BCAT1: variants seen among roughly 807,000 people sequenced by gnomAD.
BCAT1 encodes the protein branched-chain-amino-acid aminotransferase, cytosolic.
Under a neutral mutation model 52.4 loss-of-function variants are expected in BCAT1, and 48 were observed. The ratio of observed to expected loss-of-function variants is 0.92; its 90% CI spans 0.73 to 1.16. The LOEUF is 1.16. Among genes scored for constraint, BCAT1 ranks in the 50% most tolerant of loss-of-function variants. The pLI, the probability that BCAT1 is intolerant of heterozygous loss-of-function variation, is 0.00. For synonymous variants in BCAT1, 167 were observed against 161.3 expected, an observed-to-expected ratio of 1.04 and a Z score of -0.27; for missense variants, 451 against 457.1, an observed-to-expected ratio of 0.99 and a Z score of 0.12.
intron 6 of BCAT1, among the ~76,000 whole-genome samples, chr12:24,845,230 A>C (rs1424579336): frequency 6.6e-6 from 1 of 152,064 alleles, no homozygotes; most frequent in Non-Finnish European, 1.5e-5. Flanking sequence ...AAAAAAAAAA[A>C]AAGAGCCATT....
At chr12:24,898,093 AT>A (rs1252514052) in intron 2 of BCAT1, among the ~76,000 whole-genome samples, 5 of 152,216 alleles carry the variant, frequency 3.3e-5, no homozygotes, top group Admixed American at 1.3e-4. Flanking sequence ...CAGATATGAA[AT>A]GTAGTTTTAA....
At chr12:24,901,644 T>C (rs187444830) in intron 2 of BCAT1, among the ~76,000 whole-genome samples, 170 bp downstream of exon 2, 34 of 152,372 alleles carry the variant, frequency 2.2e-4, no homozygotes, top group African/African-American at 7.5e-4. Flanking sequence ...GAATGTACTG[T>C]CACTCTCTAA....
chr12:24,902,746 G>A, intron 1 of BCAT1: 5 of 768,390 alleles, frequency 6.5e-6, no homozygotes, highest in Non-Finnish European at 9.8e-6. Context: ...GAACCTCGAA[G>A]AGGTGGAGAT....
chr12:24,897,937 T>G (rs1942996872), intron 2 of BCAT1, among the ~76,000 whole-genome samples: 1 of 152,068 alleles, frequency 6.6e-6, no homozygotes, highest in South Asian at 2.1e-4. Flanking sequence ...AAAAAAATTC[T>G]GCAACTCTGA....
At chr12:24,902,795 G>A in intron 1 of BCAT1, 1 of 1,129,510 alleles carries the variant, frequency 8.9e-7, no homozygotes, top group Non-Finnish European at 1.2e-6. Flanking sequence ...GGGATGCGGG[G>A]AAGGGAAGAC....
At chr12:24,930,565 T>C (rs922800748) in intron 1 of BCAT1, among the ~76,000 whole-genome samples, 1 of 152,194 alleles carries the variant, frequency 6.6e-6, no homozygotes, top group African/African-American at 2.4e-5. Flanking sequence ...ACAGATCCTC[T>C]AGGCAAAGCA....
rs1415880812 is a variant in BCAT1, at chr12:24,821,941, T to C, written c.1120-3892A>G. On this transcript the variant is annotated intron_variant, in intron 10 of 10. Coordinates refer to ENST00000261192, the MANE Select transcript of BCAT1 (RefSeq NM_005504.7). ...AAGGACAGCCAAGGCCTTATCCAGG[T>C]GAGCAATTTCTAGAAGGTGCAGCAA... is the stretch of plus-strand genomic sequence containing the variant. Among the ~76,000 whole-genome samples the C allele has an allele frequency of 2.6e-5, 4 of 152,004 alleles. No individual in the cohort carries two copies. The East Asian group carries it at 7.7e-4, about 29-fold the overall frequency.
chr12:24,870,771 C>T (rs1457409451), intron 5 of BCAT1, among the ~76,000 whole-genome samples: 1 of 152,172 alleles, frequency 6.6e-6, no homozygotes, highest in East Asian at 1.9e-4. Flanking sequence ...CTCTTGCCTG[C>T]AATTCCAGCA....
chr12:24,827,476 A>G (rs930129410), intron 10 of BCAT1, among the ~76,000 whole-genome samples: 6 of 152,222 alleles, frequency 3.9e-5, no homozygotes, highest in African/African-American at 1.4e-4. Flanking sequence ...GAGCAGAAGT[A>G]TGGCAGCTCA....
chr12:24,844,894 C>CAA (rs11318750), intron 6 of BCAT1, among the ~76,000 whole-genome samples: 71 of 35,930 alleles, frequency 2.0e-3, no homozygotes, highest in African/African-American at 3.9e-3. Flanking sequence ...GAGACTGTCT[C>CAA]AAAAAAAAAA....
At chr12:24,829,696 G>A in intron 10 of BCAT1, 127 bp downstream of exon 10, 1 of 771,396 alleles carries the variant, frequency 1.3e-6, no homozygotes, top group Non-Finnish European at 2.0e-6. Flanking sequence ...TTAACTTATT[G>A]ATCTCAAATT....
intron 2 of BCAT1, among the ~76,000 whole-genome samples, chr12:24,900,478 C>A (rs545957172): frequency 2.0e-5 from 3 of 152,036 alleles, no homozygotes; most frequent in Non-Finnish European, 4.4e-5. Context: ...GTCTCAGGTA[C>A]TTGAGAGGCT....
chr12:24,860,876 G>A (rs1479707747), intron 5 of BCAT1, among the ~76,000 whole-genome samples: 3 of 152,188 alleles, frequency 2.0e-5, no homozygotes, highest in Non-Finnish European at 4.4e-5. Flanking sequence ...CTGTGTCTCA[G>A]CTCAAGGCTT....
intron 10 of BCAT1, among the ~76,000 whole-genome samples, chr12:24,825,135 GTA>G (rs10548732): frequency 0.19 from 27,309 of 146,266 alleles, 2,720 homozygotes; most frequent in Middle Eastern, 0.28. Context: ...GTGTGTGTGT[GTA>G]TATATATATA....
chr12:24,843,673 C>A (rs915206866), intron 6 of BCAT1, among the ~76,000 whole-genome samples: 2 of 152,134 alleles, frequency 1.3e-5, no homozygotes, highest in African/African-American at 4.8e-5. Context: ...GCACTATATT[C>A]CATACTCTTA....
At chr12:24,900,326 C>A (rs1248791971) in intron 2 of BCAT1, among the ~76,000 whole-genome samples, 1 of 152,144 alleles carries the variant, frequency 6.6e-6, no homozygotes, top group Non-Finnish European at 1.5e-5. Context: ...GTGGCTTATG[C>A]CTGTGACCCA....
intron 1 of BCAT1, among the ~76,000 whole-genome samples, chr12:24,943,991 GAAA>G (rs147669546): frequency 7.2e-6 from 1 of 139,754 alleles, no homozygotes; most frequent in African/African-American, 2.6e-5. Flanking sequence ...CTCAACAAAA[GAAA>G]AAAAAAAAAG....
At chr12:24,879,379 G>GA (rs948891084) in intron 4 of BCAT1, among the ~76,000 whole-genome samples, 9 of 151,168 alleles carry the variant, frequency 6.0e-5, no homozygotes, top group East Asian at 3.9e-4. Flanking sequence ...TATTTCTAAA[G>GA]AAAAAAAAAT....
At chr12:24,876,105 C>CA (rs938125005) in intron 5 of BCAT1, among the ~76,000 whole-genome samples, 5 of 150,104 alleles carry the variant, frequency 3.3e-5, no homozygotes, top group East Asian at 1.9e-4. Flanking sequence ...GTACTAAAAG[C>CA]AAAAAAACAG....
Sources: allele counts gnomAD v4.1 joint callset (sites outside exome capture counted in the v4.1 genomes callset), GRCh38; gene constraint gnomAD v4.1.1; transcripts MANE v1.5; gene names NCBI Gene and HGNC (gene_info 2026-07-23, HGNC 2026-07-21).